EEIG1: variants seen among roughly 807,000 people sequenced by gnomAD.
EEIG1 encodes early estrogen-induced gene 1 protein.
At chr9:127,950,586 C>T in the EEIG1 span, 1 of 1,597,768 alleles carries the variant, frequency 6.3e-7, no homozygotes, top group Non-Finnish European at 8.6e-7. Context: ...AGTGTGGGCT[C>T]CTGGCTGGCG....
At chr9:127,943,482 C>G in the EEIG1 span, 1 of 554,404 alleles carries the variant, frequency 1.8e-6, no homozygotes, top group Non-Finnish European at 3.2e-6. Flanking sequence ...ACCCCATCCT[C>G]ACGGTCACCT....
the EEIG1 span, among the ~76,000 whole-genome samples, chr9:127,961,980 T>G: frequency 6.6e-6 from 1 of 152,120 alleles, no homozygotes; most frequent in Non-Finnish European, 1.5e-5. Context: ...CCCCACGGTG[T>G]CCACGTGTAT....
the EEIG1 span, chr9:127,942,348 G>A: frequency 6.6e-6 from 1 of 152,624 alleles, no homozygotes; most frequent in Non-Finnish European, 1.5e-5. Context: ...TCAGACCTGA[G>A]CTGGAGCTAA....
At chr9:127,955,051 C>G in the EEIG1 span, among the ~76,000 whole-genome samples, 4 of 152,184 alleles carry the variant, frequency 2.6e-5, no homozygotes, top group Non-Finnish European at 4.4e-5. Context: ...GCCTGCCTGG[C>G]AGAGCCCGTG....
At chr9:127,953,563 A>G in the EEIG1 span, 1 of 1,613,602 alleles carries the variant, frequency 6.2e-7, no homozygotes, top group Non-Finnish European at 8.5e-7. Context: ...CCCTTCACAC[A>G]GCCCCTCTTA....
chr9:127,946,848 C>T, the EEIG1 span, among the ~76,000 whole-genome samples: 1 of 152,232 alleles, frequency 6.6e-6, no homozygotes, highest in Non-Finnish European at 1.5e-5. Context: ...TGCTGGGCCA[C>T]ATGAGGCCTG....
At chr9:127,971,250 G>C in the EEIG1 span, among the ~76,000 whole-genome samples, 1 of 152,200 alleles carries the variant, frequency 6.6e-6, no homozygotes, top group Non-Finnish European at 1.5e-5. Context: ...TGATGGAGGA[G>C]GAAGCTGAGG....
chr9:127,950,562 G>C, the EEIG1 span: 2 of 1,612,010 alleles, frequency 1.2e-6, no homozygotes, highest in South Asian at 2.2e-5. Context: ...AGGAGCGTGT[G>C]GGAGGGCTGA....
chr9:127,948,119 G>A, the EEIG1 span: 2 of 1,613,562 alleles, frequency 1.2e-6, no homozygotes, highest in Non-Finnish European at 1.7e-6. Flanking sequence ...GACCCAGTCA[G>A]GGAGTTGGTG....
At chr9:127,955,946 G>T in the EEIG1 span, among the ~76,000 whole-genome samples, 1 of 152,226 alleles carries the variant, frequency 6.6e-6, no homozygotes, top group African/African-American at 2.4e-5. Flanking sequence ...TGAGTGAAAT[G>T]AATCCTGCAA....
At chr9:127,971,999 C>T in the EEIG1 span, among the ~76,000 whole-genome samples, 2 of 152,082 alleles carry the variant, frequency 1.3e-5, no homozygotes, top group Non-Finnish European at 2.9e-5. Context: ...ATGTACTGAG[C>T]GGCCGCTGTC....
chr9:127,979,045 G>A, the EEIG1 span, among the ~76,000 whole-genome samples: 1 of 152,018 alleles, frequency 6.6e-6, no homozygotes, highest in South Asian at 2.1e-4. Context: ...ATAGAGACAG[G>A]AATCTAAGTC....
chr9:127,957,249 A>T, the EEIG1 span, among the ~76,000 whole-genome samples: 1 of 150,056 alleles, frequency 6.7e-6, no homozygotes, highest in South Asian at 2.1e-4. Flanking sequence ...AAGAACAAAA[A>T]TAAAAAATAA....
the EEIG1 span, among the ~76,000 whole-genome samples, chr9:127,946,959 G>A: frequency 1.3e-5 from 2 of 152,082 alleles, no homozygotes; most frequent in African/African-American, 4.8e-5. Context: ...TGGGGGCCCT[G>A]CTTAGGGTTG....
chr9:127,958,331 T>A, the EEIG1 span, among the ~76,000 whole-genome samples: 2 of 152,140 alleles, frequency 1.3e-5, no homozygotes, highest in Admixed American at 1.3e-4. Context: ...GAAGTACATG[T>A]GATAAAAGAA....
the EEIG1 span, among the ~76,000 whole-genome samples, chr9:127,960,597 T>C: frequency 2.0e-5 from 3 of 152,174 alleles, no homozygotes. Context: ...TGGAAGCAGC[T>C]GCTGGAGGCC....
At chr9:127,942,964 G>C in the EEIG1 span, 1 of 586,574 alleles carries the variant, frequency 1.7e-6, no homozygotes, top group Non-Finnish European at 3.1e-6. Context: ...TAGTGGTTCA[G>C]AGGAGAATAT....
At chr9:127,973,349 C>T in the EEIG1 span, among the ~76,000 whole-genome samples, 1 of 152,176 alleles carries the variant, frequency 6.6e-6, no homozygotes, top group Non-Finnish European at 1.5e-5. The surrounding 1 kb of genome is among the most constrained non-coding windows in gnomAD (Gnocchi z 4.2). Flanking sequence ...CTCAGGGCCC[C>T]CCTGCCACCC....
the EEIG1 span, among the ~76,000 whole-genome samples, chr9:127,976,611 C>G: frequency 6.6e-6 from 1 of 152,220 alleles, no homozygotes; most frequent in Non-Finnish European, 1.5e-5. This position sits in a 1 kb window ranked among gnomAD's most constrained non-coding sequence, Gnocchi z 4.1. Flanking sequence ...GCGTGAGGAT[C>G]GCTGCTCTCA....
Sources: allele counts gnomAD v4.1 joint callset (sites outside exome capture counted in the v4.1 genomes callset), GRCh38; gene constraint gnomAD v4.1.1; non-coding constraint Gnocchi (gnomAD v3.1); transcripts MANE v1.5; gene names NCBI Gene and HGNC (gene_info 2026-07-23, HGNC 2026-07-21).